Variants in KIZ observed in about 807,000 individuals in gnomAD.
The protein encoded by KIZ is kizuna centrosomal protein.
In KIZ, 68 loss-of-function variants were observed where a neutral mutation model predicts 79.6. The ratio of observed to expected loss-of-function variants is 0.85; its 90% CI spans 0.70 to 1.05. The LOEUF (loss-of-function observed/expected upper bound fraction) is 1.05, where lower values mean the gene tolerates loss of function less well. KIZ is among the 50% of genes least tolerant of loss of function. The pLI is 0.00. For synonymous variants in KIZ, 280 were observed against 281.8 expected (o/e 0.99, Z 0.06); for missense variants, 797 against 800.4 (o/e 1.00, Z 0.05).
chr20:21,135,624 G>A (rs542820951), intron 2 of KIZ, among the ~76,000 whole-genome samples: 1 of 152,342 alleles, frequency 6.6e-6, no homozygotes, highest in East Asian at 1.9e-4. Context: ...ATGAAAGAAT[G>A]TTGAATAATT....
intron 4 of KIZ, among the ~76,000 whole-genome samples, chr20:21,157,195 A>G (rs572956999): frequency 1.3e-5 from 2 of 152,366 alleles, no homozygotes; most frequent in East Asian, 1.9e-4. Context: ...CAACCTTCCT[A>G]TTGAGTTGAA....
intron 10 of KIZ, among the ~76,000 whole-genome samples, chr20:21,230,746 T>C (rs1320457259): frequency 6.6e-6 from 1 of 152,178 alleles, no homozygotes; most frequent in African/African-American, 2.4e-5. Context: ...ACATTGTAGT[T>C]TATTGAGTTA....
intron 6 of KIZ, among the ~76,000 whole-genome samples, chr20:21,176,395 G>A (rs1423693796): frequency 6.6e-6 from 1 of 152,048 alleles, no homozygotes; most frequent in Admixed American, 6.6e-5. Context: ...GGAAAGTTTA[G>A]CCTCTGATAC....
At position 21,165,867 on chromosome 20, in the gene KIZ, C is replaced by T. The variant is rs116180096; in HGVS notation, c.1352+2708C>T. ...CTTACTGAAGCCAGTGGCACAACCT[C>T]AGCTCGCTGCAACCTTTGCCTCCTG... On this transcript the variant is annotated intron_variant, in intron 6 of 12. Transcript: ENST00000619189. 9.5e-3 allele frequency among the ~76,000 whole-genome samples: 1,448 copies of T among 152,342 alleles called. 24 individuals are homozygous for T. Among genetic ancestry groups the T allele is most frequent in the African/African-American group, 0.032 (1,349 of 41,576 alleles).
chr20:21,131,643 CCTT>C (rs763727551), intron 1 of KIZ, among the ~76,000 whole-genome samples: 1 of 152,210 alleles, frequency 6.6e-6, no homozygotes, highest in African/African-American at 2.4e-5. Context: ...TATTGTCTGT[CCTT>C]CTCCCTAGAA....
At chr20:21,155,060 G>A (rs769976237) in intron 4 of KIZ, among the ~76,000 whole-genome samples, 8 of 152,118 alleles carry the variant, frequency 5.3e-5, no homozygotes, top group Non-Finnish European at 8.8e-5. Context: ...TATAATTGCC[G>A]GTGGGAATGT....
intron 4 of KIZ, among the ~76,000 whole-genome samples, chr20:21,159,203 G>A (rs999996957): frequency 6.6e-6 from 1 of 151,564 alleles, no homozygotes; most frequent in Non-Finnish European, 1.5e-5. Context: ...TAATTTTGTA[G>A]AGATGGAGTC....
intron 6 of KIZ, among the ~76,000 whole-genome samples, chr20:21,189,051 C>T (rs937245081): frequency 6.6e-6 from 1 of 151,986 alleles, no homozygotes. Context: ...GCTATGTTGC[C>T]CAGGCTGGTC....
intron 6 of KIZ, among the ~76,000 whole-genome samples, chr20:21,169,794 C>G (rs1365396172): frequency 1.3e-5 from 2 of 152,146 alleles, no homozygotes; most frequent in African/African-American, 4.8e-5. Flanking sequence ...TTGTCTTTTC[C>G]AGAATGTCAA....
At chr20:21,167,559 CTTT>C (rs11445129) in intron 6 of KIZ, among the ~76,000 whole-genome samples, 2 of 111,782 alleles carry the variant, frequency 1.8e-5, no homozygotes, top group African/African-American at 6.7e-5. Context: ...GTTTGTTTCG[CTTT>C]TTTTTTTTTT....
intron 9 of KIZ, among the ~76,000 whole-genome samples, chr20:21,218,969 G>A (rs1207916205): frequency 6.6e-6 from 1 of 152,170 alleles, no homozygotes; most frequent in African/African-American, 2.4e-5. Context: ...ATTCTTCAGT[G>A]TGGGATCCTT....
chr20:21,185,147 G>T (rs2034821792), intron 6 of KIZ, among the ~76,000 whole-genome samples: 1 of 152,226 alleles, frequency 6.6e-6, no homozygotes, highest in South Asian at 2.1e-4. Context: ...TTTTGAATTT[G>T]GGTTGGAAGC....
chr20:21,192,129 T>C (rs2035133743), intron 6 of KIZ, among the ~76,000 whole-genome samples: 1 of 152,096 alleles, frequency 6.6e-6, no homozygotes, highest in Non-Finnish European at 1.5e-5. Context: ...AGCCAGTTTT[T>C]CTGTGTCACT....
chr20:21,200,118 C>T (rs16982569), intron 6 of KIZ, among the ~76,000 whole-genome samples: 2 of 152,142 alleles, frequency 1.3e-5, no homozygotes, highest in African/African-American at 4.8e-5. Flanking sequence ...ATCACACTGG[C>T]CTAGTGTCAT....
intron 6 of KIZ, chr20:21,166,391 T>G: frequency 6.2e-7 from 1 of 1,600,010 alleles, no homozygotes; most frequent in Non-Finnish European, 8.5e-7. Context: ...CACACTTGTT[T>G]AGCCTGCCTG....
chr20:21,232,983 G>T, intron 11 of KIZ, 153 bp downstream of exon 11: 1 of 599,520 alleles, frequency 1.7e-6, no homozygotes, highest in Non-Finnish European at 3.0e-6. Context: ...TGAAACTTTA[G>T]TCTACCTTTG....
At chr20:21,179,524 A>C (rs6047299) in intron 6 of KIZ, among the ~76,000 whole-genome samples, 96,201 of 151,532 alleles carry the variant, frequency 0.63, 30,966 homozygotes, top group South Asian at 0.78. Context: ...TTTTCAAAAA[A>C]GTCTTAGTTT....
intron 6 of KIZ, among the ~76,000 whole-genome samples, chr20:21,192,146 C>T (rs919709079): frequency 6.6e-6 from 1 of 152,116 alleles, no homozygotes; most frequent in Non-Finnish European, 1.5e-5. Context: ...CACTGGAAAA[C>T]AATTGGAATT....
At chr20:21,242,178 C>T (rs991856552) in intron 11 of KIZ, among the ~76,000 whole-genome samples, 2 of 152,154 alleles carry the variant, frequency 1.3e-5, no homozygotes, top group Non-Finnish European at 2.9e-5. Context: ...GTTGGCTGCA[C>T]AAGTGGATGT....
Sources: allele counts gnomAD v4.1 joint callset (sites outside exome capture counted in the v4.1 genomes callset), GRCh38; gene constraint gnomAD v4.1.1; transcripts MANE v1.5; gene names NCBI Gene and HGNC (gene_info 2026-07-23, HGNC 2026-07-21).